The following CLASP2 variants were observed in gnomAD, a reference collection of about 807,000 sequenced individuals.
The protein encoded by CLASP2 is cytoplasmic linker associated protein 2.
A neutral mutation model predicts 194.4 loss-of-function variants in CLASP2; 47 were observed. The ratio of observed to expected loss-of-function variants is 0.24; its 90% CI spans 0.19 to 0.31. The LOEUF (loss-of-function observed/expected upper bound fraction) is 0.31, where lower values mean the gene tolerates loss of function less well. Among genes scored for constraint, CLASP2 ranks in the 10% least tolerant of loss-of-function variants. The pLI is 1.00. For synonymous variants in CLASP2, 619 were observed against 633.5 expected, an observed-to-expected ratio of 0.98 and a Z score of 0.34; for missense variants, 1,445 against 1,823.6, an observed-to-expected ratio of 0.79 and a Z score of 3.78.
chr3:33,593,934 C>G (rs935015248), intron 20 of CLASP2, among the ~76,000 whole-genome samples: 1 of 152,122 alleles, frequency 6.6e-6, no homozygotes, highest in South Asian at 2.1e-4. Flanking sequence ...GCCTCAATCT[C>G]CCAGGCTCAA....
chr3:33,634,144 C>T (rs1282617592), intron 8 of CLASP2, among the ~76,000 whole-genome samples: 1 of 152,152 alleles, frequency 6.6e-6, no homozygotes, highest in African/African-American at 2.4e-5. Flanking sequence ...CAACAGATTT[C>T]TCAAGTGCAA....
chr3:33,619,526 G>C, intron 12 of CLASP2, 77 bp downstream of exon 12: 1 of 1,347,524 alleles, frequency 7.4e-7, no homozygotes, highest in East Asian at 2.9e-5. Context: ...GGTGGGGAAA[G>C]GAGAGAAAAA....
chr3:33,520,124 G>C (rs1007467054), intron 34 of CLASP2, among the ~76,000 whole-genome samples: 7 of 151,892 alleles, frequency 4.6e-5, no homozygotes, highest in Non-Finnish European at 1.0e-4. Flanking sequence ...AGCCATTCTC[G>C]TGCCTCAGCC....
chr3:33,533,530 A>C (rs987817792), intron 34 of CLASP2, among the ~76,000 whole-genome samples: 1 of 152,236 alleles, frequency 6.6e-6, no homozygotes, highest in Non-Finnish European at 1.5e-5. Context: ...CTAATAATCA[A>C]GGAAATGTAC....
At chr3:33,606,234 G>T (rs1390835707) in intron 16 of CLASP2, among the ~76,000 whole-genome samples, 3 of 151,990 alleles carry the variant, frequency 2.0e-5, no homozygotes, top group African/African-American at 7.3e-5. Flanking sequence ...ACATAGTGTT[G>T]TAGAATTCTC....
rs982859228 is a variant in CLASP2 at position 33,687,183 on chromosome 3, C to G, written c.471-48G>C. The G allele has an allele frequency of 1.3e-5, 16 of 1,227,472 alleles. No individual in the cohort carries two copies. In the African/African-American group the frequency reaches 2.1e-4, roughly 16 times the overall value. 76.0% of individuals were successfully genotyped at this position (1,227,472 alleles called of 1,614,324 possible). ...ATAAAGAAAATTTGTTTTTAATAAACAGTAAACAAAATATCCTTATACCTT... is the reference window on the plus strand; with the variant it reads ...ATAAAGAAAATTTGTTTTTAATAAAGAGTAAACAAAATATCCTTATACCTT... On this transcript the variant is annotated intron_variant, in intron 4 of 38. Coordinates refer to ENST00000682230, the MANE Select transcript of CLASP2 (RefSeq NM_001365631.1).
chr3:33,687,347 T>C (rs1051569209), intron 4 of CLASP2, among the ~76,000 whole-genome samples: 7 of 152,170 alleles, frequency 4.6e-5, no homozygotes, highest in Non-Finnish European at 8.8e-5. Context: ...TATGCAAACC[T>C]GAATAATCAC....
chr3:33,591,714 T>A (rs1435695341), intron 21 of CLASP2, among the ~76,000 whole-genome samples: 1 of 152,234 alleles, frequency 6.6e-6, no homozygotes, highest in Non-Finnish European at 1.5e-5. Flanking sequence ...TACTTTTTAA[T>A]AATCATGCTT....
intron 36 of CLASP2, 84 bp from the exon 37 acceptor site, chr3:33,510,848 C>T (rs748317494): frequency 5.8e-6 from 7 of 1,196,994 alleles, no homozygotes; most frequent in Non-Finnish European, 8.2e-6. Context: ...ATGAAGTATT[C>T]AATATAATAT....
chr3:33,663,142 G>A (rs2085557953), intron 7 of CLASP2, among the ~76,000 whole-genome samples: 1 of 147,884 alleles, frequency 6.8e-6, no homozygotes, highest in African/African-American at 2.5e-5. Context: ...AAAATGGAGG[G>A]CAAGAAGGTC....
At chr3:33,573,536 G>C (rs1484098115) in intron 24 of CLASP2, 182 bp from the exon 25 acceptor site, 9 of 702,066 alleles carry the variant, frequency 1.3e-5, no homozygotes, top group African/African-American at 1.8e-5. Context: ...TTAGAAGTTA[G>C]TAGAAGGTAA....
At chr3:33,633,117 C>T (rs966696430) in intron 8 of CLASP2, among the ~76,000 whole-genome samples, 2 of 152,164 alleles carry the variant, frequency 1.3e-5, no homozygotes, top group Non-Finnish European at 2.9e-5. Flanking sequence ...TGGTAGACCA[C>T]TCATTCCAGG....
chr3:33,534,397 A>G (rs2056940568), intron 34 of CLASP2, among the ~76,000 whole-genome samples: 1 of 152,012 alleles, frequency 6.6e-6, no homozygotes. Context: ...CCCCATCTCT[A>G]TAGAACATTT....
chr3:33,671,590 G>A (rs939864913), intron 6 of CLASP2, among the ~76,000 whole-genome samples: 8 of 152,174 alleles, frequency 5.3e-5, no homozygotes, highest in Admixed American at 2.0e-4. Context: ...GACAGTGGGC[G>A]CAGGTCAGTG....
intron 34 of CLASP2, among the ~76,000 whole-genome samples, chr3:33,523,826 G>T (rs1020806558): frequency 6.6e-6 from 1 of 152,108 alleles, no homozygotes; most frequent in Non-Finnish European, 1.5e-5. Context: ...AAAGGGTGGG[G>T]TCAGAGCTGG....
At position 33,573,317 on chromosome 3, in the gene CLASP2, A is replaced by C. The variant is rs1452642721; in HGVS notation, c.2492T>G (p.Met831Arg). Residue 831 changes from methionine (M) to arginine (R), a missense_variant, in exon 25 of 39, where the codon ATG (methionine) becomes AGG (arginine). Transcript: ENST00000682230. ...PARRRYESYG[M>R]HSDDDANSDA... ...GCTGTTGGCGTCATCATCTGAATGCATTCCATATGATTCATATCTTCTTCG... is the reference window on the plus strand; with the variant it reads ...GCTGTTGGCGTCATCATCTGAATGCCTTCCATATGATTCATATCTTCTTCG... 2 of 1,613,548 alleles carry C rather than the reference A, an allele frequency of 1.2e-6. No homozygotes were observed. The highest frequency in any genetic ancestry group is 3.3e-5 in the Admixed American group (2 of 60,008).
At chr3:33,679,996 G>T (rs2089516809) in intron 6 of CLASP2, among the ~76,000 whole-genome samples, 1 of 152,142 alleles carries the variant, frequency 6.6e-6, no homozygotes, top group Admixed American at 6.5e-5. Flanking sequence ...TCCCACAGTA[G>T]AATGGAAAAA....
At chr3:33,672,576 C>T (rs1050922090) in intron 6 of CLASP2, among the ~76,000 whole-genome samples, 35 of 152,282 alleles carry the variant, frequency 2.3e-4, no homozygotes, top group Admixed American at 1.1e-3. Context: ...TCACCAGCAA[C>T]GGAACAAAGC....
intron 29 of CLASP2, among the ~76,000 whole-genome samples, chr3:33,551,615 A>C (rs1040888937): frequency 6.6e-6 from 1 of 152,158 alleles, no homozygotes; most frequent in African/African-American, 2.4e-5. Flanking sequence ...CATCATGCCC[A>C]GCCAGGTGAT....
Sources: allele counts gnomAD v4.1 joint callset (sites outside exome capture counted in the v4.1 genomes callset), GRCh38; gene constraint gnomAD v4.1.1; transcripts MANE v1.5; gene names NCBI Gene and HGNC (gene_info 2026-07-23, HGNC 2026-07-21).